The following NDUFAF6 variants were observed in gnomAD, a reference collection of about 807,000 sequenced individuals.
The protein encoded by NDUFAF6 is NADH:ubiquinone oxidoreductase complex assembly factor 6.
A neutral mutation model predicts 40.8 loss-of-function variants in NDUFAF6; 45 were observed. The ratio of observed to expected loss-of-function variants is 1.10; its 90% confidence interval spans 0.87 to 1.42. NDUFAF6 has a LOEUF of 1.42. NDUFAF6 is among the 40% of genes most tolerant of loss of function. The pLI is 0.00. For missense variants in NDUFAF6, 435 were observed against 418.5 expected (o/e 1.04, Z -0.34); for synonymous variants, 185 against 155.9 (o/e 1.19, Z -1.39).
rs151249970 is a variant in NDUFAF6, at chr8:94,935,089, CGGTA to C, written c.-935-10373_-935-10370del. Among the ~76,000 whole-genome samples, 1,491 of 149,914 alleles carry C rather than the reference CGGTA, an allele frequency of 9.9e-3. 13 individuals carry two copies. Among genetic ancestry groups the C allele is most frequent in the Middle Eastern group, 0.021 (6 of 292 alleles). On this transcript the variant is annotated intron_variant, in intron 1 of 14. Coordinates refer to the NDUFAF6 transcript ENST00000396113. ...TTGTTTATATCTGGAAAACAGGAAACGGTAGGTAGGTAGGTAGGTAGGTACATAG... is the reference window on the plus strand; with the variant it reads ...TTGTTTATATCTGGAAAACAGGAAACGGTAGGTAGGTAGGTAGGTACATAG...
intron 1 of NDUFAF6, chr8:94,929,873 A>T (rs1820223160): frequency 6.5e-6 from 1 of 152,708 alleles, no homozygotes; most frequent in Non-Finnish European, 1.5e-5. Context: ...AGCTTAATGT[A>T]CCTGAATTCC....
intron 8 of NDUFAF6, among the ~76,000 whole-genome samples, chr8:95,056,867 C>T (rs1441019222): frequency 6.8e-6 from 1 of 148,050 alleles, no homozygotes; most frequent in Non-Finnish European, 1.5e-5. Context: ...GATCATGCCA[C>T]TGCACTCCAG....
intron 1 of NDUFAF6, among the ~76,000 whole-genome samples, chr8:94,972,164 C>T (rs74553842): frequency 0.13 from 19,922 of 152,192 alleles, 1,632 homozygotes; most frequent in Middle Eastern, 0.23. Flanking sequence ...CTGAAAAGTC[C>T]AACCAGGTTA....
intron 2 of NDUFAF6, among the ~76,000 whole-genome samples, chr8:95,004,419 A>G (rs1826871091): frequency 6.7e-6 from 1 of 148,450 alleles, no homozygotes; most frequent in Non-Finnish European, 1.5e-5. Flanking sequence ...CAGTGGCACA[A>G]TCACAACTCA....
chr8:94,924,658 T>A (rs1586664978), intron 1 of NDUFAF6, among the ~76,000 whole-genome samples: 1 of 152,188 alleles, frequency 6.6e-6, no homozygotes, highest in African/African-American at 2.4e-5. Context: ...GCTGCTAGAT[T>A]CCCTGGACAC....
downstream of NDUFAF6, among the ~76,000 whole-genome samples, chr8:95,078,970 T>C (rs1389864163): frequency 6.6e-6 from 1 of 152,156 alleles, no homozygotes; most frequent in African/African-American, 2.4e-5. Flanking sequence ...TTGAAGGACA[T>C]CTTTTTTTTT....
chr8:95,019,571 GA>G (rs558737800), intron 2 of NDUFAF6, among the ~76,000 whole-genome samples: 441 of 151,686 alleles, frequency 2.9e-3, no homozygotes, highest in Non-Finnish European at 5.2e-3. Context: ...AAAGATAAGA[GA>G]AAAAAAACCT....
intron 9 of NDUFAF6, among the ~76,000 whole-genome samples, chr8:95,064,586 CTGGCTCATAACTCCCATAGCCCT>C (rs1832656930): frequency 6.6e-6 from 1 of 151,976 alleles, no homozygotes; most frequent in Non-Finnish European, 1.5e-5. Flanking sequence ...TGCATGATTT[CTGGCTCATAACTCCCATAGCCCT>C]TGTTACAGTC....
In NDUFAF6 at chr8:95,016,306, A is replaced by G. The variant is rs146867098; in HGVS notation, c.-83-15689A>G. 2.9e-3 allele frequency among the ~76,000 whole-genome samples: 445 copies of G among 152,362 alleles called. 1 individual carries two copies. The highest frequency in any genetic ancestry group is 9.6e-3 in the African/African-American group (401 of 41,588). On this transcript the variant is annotated intron_variant, in intron 2 of 9. Coordinates refer to the NDUFAF6 transcript ENST00000396111. ...TTTTTATAACTGCATGGTATGAAAA[A>G]GAGGATGAAATGAGTTAGAAAGAGC...
intron 2 of NDUFAF6, among the ~76,000 whole-genome samples, chr8:94,951,614 C>T (rs1240288106): frequency 6.6e-6 from 1 of 152,226 alleles, no homozygotes; most frequent in Non-Finnish European, 1.5e-5. Flanking sequence ...GAGGGCGTGC[C>T]TCAGGGCAGC....
chr8:94,928,642 A>G (rs1490400534), intron 1 of NDUFAF6: 5 of 152,316 alleles, frequency 3.3e-5, no homozygotes, highest in African/African-American at 1.2e-4. Context: ...CTCTTGTTCT[A>G]AAGAGACATT....
At chr8:95,028,864 A>G (rs1287992117) in intron 1 of NDUFAF6, among the ~76,000 whole-genome samples, 1 of 152,238 alleles carries the variant, frequency 6.6e-6, no homozygotes, top group Non-Finnish European at 1.5e-5. Context: ...GGCAAAATAC[A>G]ATTTAAAAAA....
At chr8:95,035,684 ATATTCT>A in intron 3 of NDUFAF6, 108 bp downstream of exon 3, 2 of 1,126,906 alleles carry the variant, frequency 1.8e-6, no homozygotes, top group South Asian at 1.4e-5. Flanking sequence ...TATTCTGAAA[ATATTCT>A]TAGGCTTATG....
intron 1 of NDUFAF6, among the ~76,000 whole-genome samples, chr8:94,925,022 C>T (rs1248213437): frequency 6.6e-6 from 1 of 152,242 alleles, no homozygotes; most frequent in African/African-American, 2.4e-5. Flanking sequence ...GCATTACAGG[C>T]ACGAGCCATC....
At chr8:94,977,367 A>T (rs1825048326) in intron 1 of NDUFAF6, among the ~76,000 whole-genome samples, 1 of 151,716 alleles carries the variant, frequency 6.6e-6, no homozygotes, top group Non-Finnish European at 1.5e-5. Flanking sequence ...TTTTTTAATT[A>T]GCTGGGTGTG....
chr8:95,099,248 A>G (rs1809576432), upstream of NDUFAF6, among the ~76,000 whole-genome samples: 1 of 152,138 alleles, frequency 6.6e-6, no homozygotes, highest in South Asian at 2.1e-4. Context: ...TCAAAAAACA[A>G]AACAAAACAA....
At chr8:95,081,000 A>G (rs1808842245), downstream of NDUFAF6, among the ~76,000 whole-genome samples, 1 of 152,112 alleles carries the variant, frequency 6.6e-6, no homozygotes, top group South Asian at 2.1e-4. Flanking sequence ...CTGATCTTCC[A>G]GCTTCTTCAT....
Position 95,045,551 on chromosome 8 carries a change from A to AATCTGGAT in NDUFAF6, c.485_492dup (p.Asp165IlefsTer27), listed in dbSNP as rs773650139. The AATCTGGAT allele has an allele frequency of 2.5e-6, 4 of 1,612,492 alleles. No homozygotes were observed. In the Admixed American group the frequency reaches 6.7e-5, roughly 27 times the overall value. ...TGCATTTTATTTGATGTAGGAAAAA[A>AATCTGGAT]ATCTGGATGACAAAGCATATCGTAA... is the stretch of plus-strand genomic sequence containing the variant. On this transcript the variant is annotated frameshift_variant, in exon 5 of 9. Transcript: ENST00000396124. LOFTEE classifies it high-confidence loss of function.
chr8:94,980,150 T>C (rs1222064662), intron 1 of NDUFAF6, among the ~76,000 whole-genome samples: 1 of 150,912 alleles, frequency 6.6e-6, no homozygotes, highest in Non-Finnish European at 1.5e-5. Flanking sequence ...GTGGTTATGC[T>C]TACATGGTGA....
Sources: gnomAD v4.1 joint callset for allele counts (sites outside exome capture counted in the v4.1 genomes callset) on GRCh38, gnomAD v4.1.1 for gene constraint, MANE v1.5 for transcripts, NCBI Gene and HGNC (gene_info 2026-07-23, HGNC 2026-07-21) for gene names.